TMEM163: variants seen among roughly 807,000 people sequenced by gnomAD.
TMEM163 encodes the protein transmembrane protein 163.
TMEM163 carries 17 observed loss-of-function variants against 29.3 expected under a neutral mutation model. That is an observed-to-expected ratio of 0.58 (90% CI 0.40 to 0.87). The LOEUF is 0.87. TMEM163 is among the 40% of genes least tolerant of loss of function. The pLI is 0.00. For missense variants in TMEM163, 303 were observed against 381.5 expected (o/e 0.79, Z 1.71); for synonymous variants, 157 against 160.6 (o/e 0.98, Z 0.17).
intron 2 of TMEM163, among the ~76,000 whole-genome samples, chr2:134,589,206 G>A (rs1310062405): frequency 6.6e-6 from 1 of 152,138 alleles, no homozygotes; most frequent in African/African-American, 2.4e-5. Flanking sequence ...AGAAGGTAAT[G>A]TTCAAGAAAG....
rs62169025 is a variant in TMEM163 at position 134,613,102 on chromosome 2, T to A, written c.323-61011A>T. Among the ~76,000 whole-genome samples the A allele has an allele frequency of 4.9e-3, 744 of 152,192 alleles. 4 individuals carry two copies. Among genetic ancestry groups the A allele is most frequent in the South Asian group, 0.023 (110 of 4,824 alleles). On this transcript the variant is annotated intron_variant, in intron 2 of 7. Transcript: ENST00000281924. Reference sequence around the variant, plus strand: ...AAAGAACCAGATAAAATACTAGAGTTGAAAAGTATAATAACTGAAATGAAA... The same window carrying A: ...AAAGAACCAGATAAAATACTAGAGTAGAAAAGTATAATAACTGAAATGAAA...
chr2:134,565,532 G>A (rs1048995592), intron 2 of TMEM163, among the ~76,000 whole-genome samples: 1 of 151,950 alleles, frequency 6.6e-6, no homozygotes, highest in African/African-American at 2.4e-5. Context: ...CTTCAACCTG[G>A]GAGGCAGAGG....
rs535939945 is a variant in TMEM163, at chr2:134,630,881, A to C, written c.323-78790T>G. Among the ~76,000 whole-genome samples the C allele has an allele frequency of 1.1e-3, 168 of 152,286 alleles. 4 individuals are homozygous for C. The Middle Eastern group carries it at 0.031, about 28-fold the overall frequency. ...GGACAGAGGGGGAGTTCTGGTTGTT[A>C]ATCTGTGGCTCAGCAGATTAAACAA... On this transcript the variant is annotated intron_variant, in intron 2 of 7. Coordinates refer to ENST00000281924, the MANE Select transcript of TMEM163 (RefSeq NM_030923.5).
chr2:134,480,459 T>A (rs556251394), intron 5 of TMEM163, among the ~76,000 whole-genome samples: 1 of 152,342 alleles, frequency 6.6e-6, no homozygotes, highest in East Asian at 1.9e-4. Context: ...TGTGCTTAAA[T>A]TTAAAATTAA....
intron 6 of TMEM163, among the ~76,000 whole-genome samples, chr2:134,462,513 A>G (rs1435394906): frequency 1.3e-5 from 2 of 152,150 alleles, no homozygotes; most frequent in African/African-American, 2.4e-5. Context: ...CTCCGCCTGA[A>G]GGACGGCTCT....
chr2:134,529,564 C>T (rs34824072), intron 4 of TMEM163, among the ~76,000 whole-genome samples: 34,089 of 151,510 alleles, frequency 0.22, 4,514 homozygotes, highest in Middle Eastern at 0.37. Context: ...GCCTGGCCAA[C>T]ATGGAGAAAC....
intron 6 of TMEM163, chr2:134,459,348 C>T (rs1686476815): frequency 6.6e-6 from 1 of 151,936 alleles, no homozygotes; most frequent in Non-Finnish European, 1.5e-5. Context: ...CCCTTCTCTC[C>T]CCTGTGCTCA....
intron 2 of TMEM163, among the ~76,000 whole-genome samples, chr2:134,554,328 A>G (rs192918842): frequency 6.8e-6 from 1 of 147,814 alleles, no homozygotes; most frequent in Non-Finnish European, 1.5e-5. Context: ...CGGCAGGCTG[A>G]GGCAGGAGAA....
rs938065138 is a variant in TMEM163 at position 134,694,250 on chromosome 2, G to T, written c.322+18950C>A. 6.6e-5 allele frequency among the ~76,000 whole-genome samples: 10 copies of T among 152,218 alleles called. No homozygotes were observed. In the East Asian group the frequency reaches 1.9e-3, roughly 29 times the overall value. On this transcript the variant is annotated intron_variant, in intron 2 of 7. Coordinates refer to ENST00000281924, the MANE Select transcript of TMEM163 (RefSeq NM_030923.5). The stretch of plus-strand genomic sequence containing the variant: ...AACCATTCAATTAACCATTTAAAAA[G>T]CTTTCTGAAATTGGGACTGGGCAAC...
intron 5 of TMEM163, among the ~76,000 whole-genome samples, chr2:134,476,433 GTACT>G (rs1686913985): frequency 6.6e-6 from 1 of 152,118 alleles, no homozygotes; most frequent in Non-Finnish European, 1.5e-5. Flanking sequence ...ATCAAGTTGC[GTACT>G]TAAAGGGTGA....
intron 5 of TMEM163, among the ~76,000 whole-genome samples, chr2:134,490,391 C>A (rs1679404037): frequency 6.6e-6 from 1 of 152,170 alleles, no homozygotes; most frequent in Non-Finnish European, 1.5e-5. Flanking sequence ...ACTACAGATA[C>A]TCAAGGAGCA....
chr2:134,498,529 A>G (rs1201406494), intron 5 of TMEM163, among the ~76,000 whole-genome samples: 1 of 151,804 alleles, frequency 6.6e-6, no homozygotes, highest in Non-Finnish European at 1.5e-5. Flanking sequence ...ACGGGGTTTC[A>G]CCATGTTAGC....
chr2:134,489,373 A>G (rs1679379437), intron 5 of TMEM163, among the ~76,000 whole-genome samples: 1 of 151,916 alleles, frequency 6.6e-6, no homozygotes, highest in South Asian at 2.1e-4. Context: ...AGGTTAAGAG[A>G]TCAAGACCAT....
chr2:134,522,921 AC>A (rs1680218161), intron 4 of TMEM163, among the ~76,000 whole-genome samples: 1 of 152,336 alleles, frequency 6.6e-6, no homozygotes, highest in Non-Finnish European at 1.5e-5. Flanking sequence ...CTTTGAGCAG[AC>A]GTTGTGATGC....
intron 2 of TMEM163, among the ~76,000 whole-genome samples, chr2:134,697,143 G>A (rs921090293): frequency 2.0e-5 from 3 of 152,086 alleles, no homozygotes; most frequent in African/African-American, 7.2e-5. Context: ...AAAGCTCTAT[G>A]TAAACTATAA....
At chr2:134,676,060 G>T (rs1026516490) in intron 2 of TMEM163, among the ~76,000 whole-genome samples, 6 of 152,068 alleles carry the variant, frequency 3.9e-5, no homozygotes, top group African/African-American at 1.4e-4. Context: ...ACTGACCTGC[G>T]ACATAAGGTA....
intron 2 of TMEM163, among the ~76,000 whole-genome samples, chr2:134,588,608 AT>A (rs1300760890): frequency 6.6e-6 from 1 of 152,148 alleles, no homozygotes; most frequent in Non-Finnish European, 1.5e-5. Flanking sequence ...ACAGTCTTGC[AT>A]TCACACATTT....
chr2:134,716,983 G>C (rs997372533), intron 1 of TMEM163, among the ~76,000 whole-genome samples: 1 of 152,154 alleles, frequency 6.6e-6, no homozygotes, highest in Non-Finnish European at 1.5e-5. Flanking sequence ...GACAGTTTAC[G>C]AACAGTCAAT....
intron 2 of TMEM163, among the ~76,000 whole-genome samples, chr2:134,565,451 C>G (rs1558947219): frequency 1.3e-5 from 2 of 151,826 alleles, no homozygotes; most frequent in African/African-American, 4.8e-5. Flanking sequence ...ACTGAAAATA[C>G]AAAAATTAGC....
Sources: allele counts gnomAD v4.1 joint callset (sites outside exome capture counted in the v4.1 genomes callset), GRCh38; gene constraint gnomAD v4.1.1; transcripts MANE v1.5; gene names NCBI Gene and HGNC (gene_info 2026-07-23, HGNC 2026-07-21).